Variants in MGAT4C observed in about 807,000 individuals in gnomAD.
MGAT4C encodes alpha-1,3-mannosyl-glycoprotein 4-beta-N-acetylglucosaminyltransferase C.
MGAT4C carries 19 observed loss-of-function variants against 40.1 expected under a neutral mutation model. The observed-to-expected ratio is 0.47, with a 90% CI of 0.33 to 0.70. The LOEUF (loss-of-function observed/expected upper bound fraction) is 0.70, where lower values mean the gene tolerates loss of function less well. Among genes scored for constraint, MGAT4C ranks in the 30% least tolerant of loss-of-function variants. The pLI is 0.02. For synonymous variants in MGAT4C, 181 were observed against 187.1 expected (o/e 0.97, Z 0.27); for missense variants, 491 against 563.2 (o/e 0.87, Z 1.30).
intron 2 of MGAT4C, among the ~76,000 whole-genome samples, chr12:86,581,514 A>C (rs969091952): frequency 2.0e-5 from 3 of 151,416 alleles, no homozygotes; most frequent in African/African-American, 7.3e-5. Flanking sequence ...AGAGCCTCCT[A>C]ATTCACAGCA....
intron 3 of MGAT4C, among the ~76,000 whole-genome samples, chr12:86,407,625 T>C (rs1956501653): frequency 6.6e-6 from 1 of 152,064 alleles, no homozygotes. Context: ...TTTTTTTAAG[T>C]TTAATCAGTT....
intron 2 of MGAT4C, among the ~76,000 whole-genome samples, chr12:86,659,186 A>G (rs1246325320): frequency 6.6e-6 from 1 of 151,848 alleles, no homozygotes; most frequent in African/African-American, 2.4e-5. Flanking sequence ...TTCACTTAAC[A>G]TGTATATTTA....
At chr12:86,141,733 G>A (rs925290903) in intron 1 of MGAT4C, among the ~76,000 whole-genome samples, 1 of 152,042 alleles carries the variant, frequency 6.6e-6, no homozygotes, top group Non-Finnish European at 1.5e-5. Context: ...AGAAAAAAAA[G>A]CTTTTTAAGT....
At chr12:86,806,350 C>A (rs1288478898) in intron 1 of MGAT4C, among the ~76,000 whole-genome samples, 2 of 151,754 alleles carry the variant, frequency 1.3e-5, no homozygotes, top group Non-Finnish European at 2.9e-5. Flanking sequence ...ATTTTGCAAA[C>A]TATATTATAA....
intron 3 of MGAT4C, among the ~76,000 whole-genome samples, chr12:86,420,990 T>C (rs746627658): frequency 6.6e-6 from 1 of 151,902 alleles, no homozygotes; most frequent in Non-Finnish European, 1.5e-5. Context: ...ATGCTGCACA[T>C]CCTTTCAAAT....
chr12:86,316,869 T>C (rs899747513), intron 4 of MGAT4C, among the ~76,000 whole-genome samples: 2 of 151,918 alleles, frequency 1.3e-5, no homozygotes, highest in Non-Finnish European at 2.9e-5. Context: ...AAAATAAACA[T>C]TGAAATTATA....
intron 3 of MGAT4C, among the ~76,000 whole-genome samples, chr12:86,349,739 G>C (rs968125344): frequency 5.3e-5 from 8 of 151,990 alleles, no homozygotes; most frequent in South Asian, 2.1e-4. Context: ...ACTCAGTTTT[G>C]TTTTGTTTTA....
chr12:86,360,714 C>T (rs1269628724), intron 3 of MGAT4C, among the ~76,000 whole-genome samples: 1 of 152,176 alleles, frequency 6.6e-6, no homozygotes, highest in Admixed American at 6.5e-5. Flanking sequence ...AGAGCCAAAT[C>T]ATGAGTAAAC....
intron 1 of MGAT4C, among the ~76,000 whole-genome samples, chr12:86,824,753 AAG>A (rs145243875): frequency 0.078 from 11,050 of 142,474 alleles, 512 homozygotes; most frequent in Non-Finnish European, 0.12. Flanking sequence ...AAAAAAAAAA[AAG>A]AGAGAGAGAG....
At position 85,968,566 on chromosome 12, in the gene MGAT4C, CAG is replaced by C. The variant is rs974163697; in HGVS notation, c.*10721_*10722del. Reference sequence around the variant, plus strand: ...TACCTAAAAAGGGCAGGAAACAACACAGAATAATCTACGCTTGTCATCATGTT... The same window carrying C: ...TACCTAAAAAGGGCAGGAAACAACACAATAATCTACGCTTGTCATCATGTT... On this transcript the variant is annotated 3_prime_UTR_variant, in exon 5 of 5. Coordinates refer to ENST00000611864, the MANE Select transcript of MGAT4C (RefSeq NM_001351288.2). 3 of 152,036 alleles carry C rather than the reference CAG, an allele frequency of 2.0e-5. No individual in the cohort carries two copies. Among genetic ancestry groups the C allele is most frequent in the Admixed American group, 2.0e-4 (3 of 15,236 alleles). 9.4% of individuals were successfully genotyped at this position (152,036 alleles called of 1,614,324 possible).
chr12:86,317,029 AGAAG>A (rs550658171), intron 4 of MGAT4C, among the ~76,000 whole-genome samples: 26 of 152,084 alleles, frequency 1.7e-4, no homozygotes, highest in South Asian at 4.2e-4. Context: ...AAGGGACAAA[AGAAG>A]GAAGGAAGGA....
chr12:86,803,250 A>T (rs1952268952), intron 1 of MGAT4C, among the ~76,000 whole-genome samples: 1 of 151,130 alleles, frequency 6.6e-6, no homozygotes, highest in South Asian at 2.1e-4. Context: ...CTTACACCTT[A>T]TACAAAAATC....
chr12:86,285,029 A>G (rs866724468), intron 4 of MGAT4C, among the ~76,000 whole-genome samples: 1 of 152,040 alleles, frequency 6.6e-6, no homozygotes, highest in African/African-American at 2.4e-5. Flanking sequence ...TTTACTGTAA[A>G]TAATATTCAC....
intron 2 of MGAT4C, among the ~76,000 whole-genome samples, chr12:86,682,130 T>C (rs1339065901): frequency 1.3e-5 from 2 of 152,084 alleles, no homozygotes; most frequent in Admixed American, 1.3e-4. Flanking sequence ...ATCTTGATAG[T>C]TTCATATATA....
intron 1 of MGAT4C, among the ~76,000 whole-genome samples, chr12:86,075,431 T>G (rs947531741): frequency 6.6e-6 from 1 of 152,140 alleles, no homozygotes; most frequent in African/African-American, 2.4e-5. Flanking sequence ...TGGCATTGAA[T>G]GTCTGCTGCT....
At chr12:86,596,515 CAT>C (rs1961544305) in intron 2 of MGAT4C, among the ~76,000 whole-genome samples, 2 of 152,186 alleles carry the variant, frequency 1.3e-5, no homozygotes, top group Non-Finnish European at 1.5e-5. Flanking sequence ...TGGCCCAACA[CAT>C]AGAACTTATA....
chr12:86,249,348 A>G (rs903260828), intron 1 of MGAT4C, among the ~76,000 whole-genome samples: 5 of 152,200 alleles, frequency 3.3e-5, no homozygotes, highest in Non-Finnish European at 4.4e-5. Context: ...ATTATTTAAA[A>G]TAACTTAATA....
rs1186056037 is a variant in MGAT4C, at chr12:85,962,046, C to G, written c.*17243G>C. On this transcript the variant is annotated 3_prime_UTR_variant, in exon 5 of 5. Transcript: ENST00000611864. ...TATACCTACAGTCCCCTTAGAAACT[C>G]TTAAATCTTCAATTTATAAAAGTCA... The G allele has an allele frequency of 6.6e-6, 1 of 151,872 alleles. No individual in the cohort carries two copies. Among genetic ancestry groups the G allele is most frequent in the Non-Finnish European group, 1.5e-5 (1 of 67,812 alleles). 9.4% of individuals were successfully genotyped at this position (151,872 alleles called of 1,614,324 possible). A position where few individuals can be genotyped will look rare whatever the true frequency, so the allele number is the denominator to read the frequency against.
intron 3 of MGAT4C, among the ~76,000 whole-genome samples, chr12:86,384,283 T>G (rs115730767): frequency 6.6e-6 from 1 of 152,204 alleles, no homozygotes; most frequent in East Asian, 1.9e-4. Flanking sequence ...CATATGAAGA[T>G]GATAACAAGG....
Sources: allele counts gnomAD v4.1 joint callset (sites outside exome capture counted in the v4.1 genomes callset), GRCh38; gene constraint gnomAD v4.1.1; transcripts MANE v1.5; gene names NCBI Gene and HGNC (gene_info 2026-07-23, HGNC 2026-07-21).